The following PTPRD variants were observed in gnomAD, a reference collection of about 807,000 sequenced individuals.
The protein encoded by PTPRD is protein tyrosine phosphatase receptor type D.
A neutral mutation model predicts 214.5 loss-of-function variants in PTPRD; 34 were observed. The observed-to-expected ratio is 0.16, with a 90% CI of 0.12 to 0.21. The LOEUF (loss-of-function observed/expected upper bound fraction) is 0.21. PTPRD is among the 10% of genes least tolerant of loss of function. The pLI, the probability that PTPRD is intolerant of heterozygous loss-of-function variation, is 1.00. For synonymous variants in PTPRD, 1,128 were observed against 845.7 expected (o/e 1.33, Z -5.79); for missense variants, 2,545 against 2,398.7 (o/e 1.06, Z -1.27).
intron 3 of PTPRD, among the ~76,000 whole-genome samples, chr9:10,148,676 C>G (rs2154275650): frequency 6.6e-6 from 1 of 152,260 alleles, no homozygotes; most frequent in Admixed American, 6.5e-5. Flanking sequence ...TTGGACAAGT[C>G]AATCTCAATT....
chr9:10,254,360 T>G (rs957418321), intron 3 of PTPRD, among the ~76,000 whole-genome samples: 2 of 152,208 alleles, frequency 1.3e-5, no homozygotes, highest in African/African-American at 2.4e-5. Context: ...CAATATGAAT[T>G]ACATAATAAA....
At chr9:9,347,026 G>C (rs1429316579) in intron 9 of PTPRD, among the ~76,000 whole-genome samples, 1 of 151,984 alleles carries the variant, frequency 6.6e-6, no homozygotes, top group East Asian at 1.9e-4. Context: ...CCTGGGGCAG[G>C]TGTGTTGGCG....
chr9:10,038,165 C>A (rs2097222359), intron 3 of PTPRD, among the ~76,000 whole-genome samples: 1 of 152,046 alleles, frequency 6.6e-6, no homozygotes, highest in Non-Finnish European at 1.5e-5. Context: ...CTCTTGTTTT[C>A]TTCCTGTAAC....
intron 3 of PTPRD, among the ~76,000 whole-genome samples, chr9:10,237,371 G>A (rs902780635): frequency 1.3e-4 from 20 of 151,904 alleles, no homozygotes; most frequent in Admixed American, 9.2e-4. Flanking sequence ...TATTCTTCAT[G>A]ATAAGTGTGC....
chr9:8,618,112 C>T (rs568194743), intron 14 of PTPRD, among the ~76,000 whole-genome samples: 196 of 152,190 alleles, frequency 1.3e-3, no homozygotes, highest in Non-Finnish European at 2.1e-3. Context: ...TTTGCAGATG[C>T]TTTTGCCTAA....
chr9:10,165,697 G>A (rs942148120), intron 3 of PTPRD, among the ~76,000 whole-genome samples: 1 of 151,332 alleles, frequency 6.6e-6, no homozygotes, highest in African/African-American at 2.4e-5. Context: ...TTAAAATAAT[G>A]GAGGACAAAT....
intron 34 of PTPRD, chr9:8,438,562 G>C (rs1461309103): frequency 1.3e-5 from 2 of 152,190 alleles, no homozygotes; most frequent in African/African-American, 4.8e-5. Flanking sequence ...ATCTTATCCA[G>C]ATGAGGCACC....
At chr9:8,414,930 GGA>G (rs58529453) in intron 35 of PTPRD, among the ~76,000 whole-genome samples, 4,979 of 49,036 alleles carry the variant, frequency 0.1, 160 homozygotes, top group African/African-American at 0.11. Flanking sequence ...AGAGGGAGGG[GGA>G]GAGAGAGAGA....
chr9:9,062,556 TTATCTATCTATCTATC>T (rs33937021), intron 10 of PTPRD, among the ~76,000 whole-genome samples: 1 of 149,546 alleles, frequency 6.7e-6, no homozygotes, highest in Non-Finnish European at 1.5e-5. Flanking sequence ...TCTCCATATA[TTATCTATCTATCTATC>T]TATCTATCTA....
chr9:10,323,414 C>T (rs1055640373), intron 3 of PTPRD, among the ~76,000 whole-genome samples: 5 of 150,850 alleles, frequency 3.3e-5, no homozygotes, highest in Admixed American at 2.6e-4. Context: ...CCCATCTCAG[C>T]CATCCAAGTA....
chr9:10,439,297 T>C (rs567833104), intron 2 of PTPRD, among the ~76,000 whole-genome samples: 1 of 151,964 alleles, frequency 6.6e-6, no homozygotes, highest in Admixed American at 6.6e-5. Flanking sequence ...CCAAGCATTG[T>C]CACTACTAAG....
intron 7 of PTPRD, among the ~76,000 whole-genome samples, chr9:9,624,219 T>C (rs1409618): frequency 6.6e-6 from 1 of 151,890 alleles, no homozygotes; most frequent in Non-Finnish European, 1.5e-5. Flanking sequence ...TCTGCTACTT[T>C]CCTGTCTTCT....
intron 4 of PTPRD, among the ~76,000 whole-genome samples, chr9:9,986,866 T>G (rs2095730681): frequency 6.8e-6 from 1 of 147,496 alleles, no homozygotes; most frequent in Admixed American, 6.9e-5. Context: ...TACTGTACAC[T>G]TAAAATATGT....
At chr9:9,300,375 T>A (rs901402463) in intron 9 of PTPRD, among the ~76,000 whole-genome samples, 4 of 151,782 alleles carry the variant, frequency 2.6e-5, no homozygotes, top group African/African-American at 9.7e-5. Context: ...CTTCCTTCCT[T>A]GGAAGCTTTG....
At chr9:10,280,539 C>G (rs751377757) in intron 3 of PTPRD, among the ~76,000 whole-genome samples, 1 of 152,082 alleles carries the variant, frequency 6.6e-6, no homozygotes, top group African/African-American at 2.4e-5. Context: ...AAGAAACACA[C>G]GAAGATCCTG....
intron 5 of PTPRD, among the ~76,000 whole-genome samples, chr9:9,850,669 GTTT>G (rs2060392299): frequency 6.6e-6 from 1 of 152,018 alleles, no homozygotes; most frequent in Non-Finnish European, 1.5e-5. Flanking sequence ...TCACATATTT[GTTT>G]TTTATTGTGA....
At chr9:10,259,104 G>A (rs982683875) in intron 3 of PTPRD, among the ~76,000 whole-genome samples, 4 of 151,940 alleles carry the variant, frequency 2.6e-5, no homozygotes, top group Admixed American at 2.0e-4. Flanking sequence ...CTCACTGCAA[G>A]CTCCACCTCC....
At chr9:9,094,731 T>A (rs943955377) in intron 10 of PTPRD, among the ~76,000 whole-genome samples, 30 of 152,060 alleles carry the variant, frequency 2.0e-4, no homozygotes, top group African/African-American at 6.3e-4. Context: ...CTAATAAATT[T>A]CATAAAATAT....
chr9:9,833,566 G>C (rs1250466940), intron 5 of PTPRD, among the ~76,000 whole-genome samples: 2 of 147,668 alleles, frequency 1.4e-5, no homozygotes, highest in South Asian at 2.2e-4. Context: ...CAACCGGTCT[G>C]ACCAAAATTT....
Sources: gnomAD v4.1 joint callset for allele counts (sites outside exome capture counted in the v4.1 genomes callset) on GRCh38, gnomAD v4.1.1 for gene constraint, MANE v1.5 for transcripts, NCBI Gene and HGNC (gene_info 2026-07-23, HGNC 2026-07-21) for gene names.